Variants in CREB5 observed in about 807,000 individuals in gnomAD.
CREB5 encodes cyclic AMP-responsive element-binding protein 5.
A neutral mutation model predicts 57.1 loss-of-function variants in CREB5; 19 were observed. The ratio of observed to expected loss-of-function variants is 0.33; its 90% confidence interval spans 0.23 to 0.49. CREB5 has a LOEUF of 0.49. Ranked by LOEUF, CREB5 falls within the 20% of genes least tolerant of loss-of-function variation. The probability of loss-of-function intolerance (pLI) is 0.99; values close to 1 mark genes in which losing one functional copy is unlikely to be tolerated. For missense variants in CREB5, 579 were observed against 671.6 expected, an observed-to-expected ratio of 0.86 and a Z score of 1.52; for synonymous variants, 238 against 238.3, an observed-to-expected ratio of 1.00 and a Z score of 0.01.
chr7:28,481,343 A>G (rs1293733781), intron 1 of CREB5, among the ~76,000 whole-genome samples: 1 of 152,228 alleles, frequency 6.6e-6, no homozygotes, highest in Non-Finnish European at 1.5e-5. Flanking sequence ...TTTGAAGAAC[A>G]GGGATATTCT....
chr7:28,712,776 C>T (rs1182021334), intron 5 of CREB5, among the ~76,000 whole-genome samples: 3 of 151,732 alleles, frequency 2.0e-5, no homozygotes, highest in Admixed American at 6.6e-5. Flanking sequence ...TCAAGCAATC[C>T]GCCTGTCTCG....
intron 1 of CREB5, among the ~76,000 whole-genome samples, chr7:28,481,490 A>G (rs963315472): frequency 6.6e-6 from 1 of 152,188 alleles, no homozygotes; most frequent in Admixed American, 6.5e-5. Context: ...GTTCACTTAT[A>G]AGGTACAGCC....
rs1237737684 is a variant in CREB5 at position 28,825,385 on chromosome 7, T to C, written c.*6106T>C. 1 of 152,398 alleles carries C rather than the reference T, an allele frequency of 6.6e-6. No homozygotes were observed. Among genetic ancestry groups the C allele is most frequent in the Non-Finnish European group, 1.5e-5 (1 of 68,022 alleles). The allele number at this position is 152,398 out of a possible 1,614,324, so 9.4% of individuals were successfully genotyped here. ...TGAAATGTTCTCTCTAGAGAGGACATAGGGTTTGGGATCCTCTGAAAAGGC... is the reference window on the plus strand; with the variant it reads ...TGAAATGTTCTCTCTAGAGAGGACACAGGGTTTGGGATCCTCTGAAAAGGC... On this transcript the variant is annotated 3_prime_UTR_variant, in exon 11 of 11. Coordinates refer to ENST00000357727, the MANE Select transcript of CREB5 (RefSeq NM_182898.4).
At chr7:28,576,857 A>G (rs948898589) in intron 5 of CREB5, among the ~76,000 whole-genome samples, 1 of 152,218 alleles carries the variant, frequency 6.6e-6, no homozygotes, top group African/African-American at 2.4e-5. Flanking sequence ...TAAGTGTCTC[A>G]GTGTGCATTT....
chr7:28,617,477 G>A (rs1039681293), intron 5 of CREB5, among the ~76,000 whole-genome samples: 1 of 152,162 alleles, frequency 6.6e-6, no homozygotes, highest in Non-Finnish European at 1.5e-5. Flanking sequence ...TAAGACTGAG[G>A]GGCTGAACAG....
At chr7:28,340,208 A>G (rs953916787) in intron 1 of CREB5, among the ~76,000 whole-genome samples, 21 of 151,876 alleles carry the variant, frequency 1.4e-4, no homozygotes, top group African/African-American at 5.1e-4. Flanking sequence ...AGCAGAAGGA[A>G]TCTCTCCTCA....
At chr7:28,550,265 T>G (rs1794578709) in intron 4 of CREB5, among the ~76,000 whole-genome samples, 1 of 152,132 alleles carries the variant, frequency 6.6e-6, no homozygotes, top group Non-Finnish European at 1.5e-5. Flanking sequence ...TTTCATAGTT[T>G]CCCTTGGAAT....
chr7:28,713,702 G>A (rs1280318451), intron 5 of CREB5, among the ~76,000 whole-genome samples: 2 of 152,136 alleles, frequency 1.3e-5, no homozygotes, highest in Non-Finnish European at 1.5e-5. Flanking sequence ...TTCAAGTCCT[G>A]AAATCCGAAT....
At chr7:28,593,403 C>T (rs931039580) in intron 5 of CREB5, among the ~76,000 whole-genome samples, 4 of 152,130 alleles carry the variant, frequency 2.6e-5, no homozygotes, top group African/African-American at 9.7e-5. Context: ...CATGCGCCAC[C>T]ACGCCTGGCT....
chr7:28,698,072 C>T (rs1354001910), intron 5 of CREB5, among the ~76,000 whole-genome samples: 16 of 152,026 alleles, frequency 1.1e-4, no homozygotes, highest in Admixed American at 7.9e-4. Flanking sequence ...CAGAAACATA[C>T]GGATTAAATT....
At chr7:28,670,217 A>C (rs1019452768) in intron 5 of CREB5, among the ~76,000 whole-genome samples, 1 of 152,234 alleles carries the variant, frequency 6.6e-6, no homozygotes, top group African/African-American at 2.4e-5. Context: ...GCACAATAAG[A>C]GACTAACAAC....
chr7:28,790,428 A>AAGAGAGAGAGAGAGAGAG (rs370615013), intron 7 of CREB5, among the ~76,000 whole-genome samples: 7 of 115,784 alleles, frequency 6.0e-5, no homozygotes, highest in South Asian at 2.8e-4. Flanking sequence ...GAAAGAAAGA[A>AAGAGAGAGAGAGAGAGAG]AGAGAGAGAG....
At chr7:28,500,681 C>G (rs1348151309) in intron 3 of CREB5, among the ~76,000 whole-genome samples, 1 of 152,152 alleles carries the variant, frequency 6.6e-6, no homozygotes, top group Non-Finnish European at 1.5e-5. Flanking sequence ...GAACTGAGAT[C>G]CATTGCTCAT....
chr7:28,651,946 C>T (rs1799144241), intron 5 of CREB5, among the ~76,000 whole-genome samples: 1 of 152,104 alleles, frequency 6.6e-6, no homozygotes, highest in African/African-American at 2.4e-5. Flanking sequence ...TTCTACCTGT[C>T]TGAGCCTCAG....
intron 1 of CREB5, among the ~76,000 whole-genome samples, chr7:28,400,224 C>T (rs188326263): frequency 7.2e-5 from 11 of 152,268 alleles, no homozygotes; most frequent in African/African-American, 2.4e-4. Context: ...AGGTTTGAAA[C>T]TCAACTTCCT....
chr7:28,438,916 G>T (rs1346823658), intron 1 of CREB5, among the ~76,000 whole-genome samples: 1 of 152,150 alleles, frequency 6.6e-6, no homozygotes, highest in African/African-American at 2.4e-5. Context: ...TGTGGGAAAG[G>T]AGCAAACAGA....
chr7:28,618,918 T>G (rs1408220917), intron 5 of CREB5, among the ~76,000 whole-genome samples: 2 of 152,244 alleles, frequency 1.3e-5, no homozygotes, highest in Non-Finnish European at 2.9e-5. Flanking sequence ...AGGCATTTGT[T>G]ACATGCTCAG....
At chr7:28,680,083 T>A (rs1400577939) in intron 5 of CREB5, among the ~76,000 whole-genome samples, 1 of 152,124 alleles carries the variant, frequency 6.6e-6, no homozygotes, top group African/African-American at 2.4e-5. Flanking sequence ...GCTCAACATT[T>A]AAGGGGGCAA....
chr7:28,558,904 A>C (rs1794974140), intron 4 of CREB5, among the ~76,000 whole-genome samples: 1 of 152,072 alleles, frequency 6.6e-6, no homozygotes, highest in South Asian at 2.1e-4. Context: ...TAAGGAAGGG[A>C]GAGACATTTG....
Sources: gnomAD v4.1 joint callset for allele counts (sites outside exome capture counted in the v4.1 genomes callset) on GRCh38, gnomAD v4.1.1 for gene constraint, MANE v1.5 for transcripts, NCBI Gene and HGNC (gene_info 2026-07-23, HGNC 2026-07-21) for gene names.